Variants in CDYL2 observed in about 807,000 individuals in gnomAD.
CDYL2 encodes chromodomain Y-like protein 2.
A neutral mutation model predicts 49.4 loss-of-function variants in CDYL2; 23 were observed. The ratio of observed to expected loss-of-function variants is 0.47; its 90% CI spans 0.34 to 0.66. The LOEUF (loss-of-function observed/expected upper bound fraction) is 0.66. Ranked by LOEUF, CDYL2 falls within the 30% of genes least tolerant of loss-of-function variation. The probability of loss-of-function intolerance (pLI) is 0.01; values close to 1 mark genes in which losing one functional copy is unlikely to be tolerated. For missense variants in CDYL2, 678 were observed against 656.4 expected, an observed-to-expected ratio of 1.03 and a Z score of -0.36; for synonymous variants, 360 against 268.8, an observed-to-expected ratio of 1.34 and a Z score of -3.32.
chr16:80,803,632 G>A (rs1433369474), intron 1 of CDYL2, among the ~76,000 whole-genome samples: 1 of 56,878 alleles, frequency 1.8e-5, no homozygotes, highest in African/African-American at 7.1e-5. Context: ...ACCCCGCCTC[G>A]CCCCGGCCAG....
chr16:80,653,332 G>A (rs1597150536), intron 2 of CDYL2, among the ~76,000 whole-genome samples: 1 of 152,240 alleles, frequency 6.6e-6, no homozygotes. Flanking sequence ...GGGCATGGTG[G>A]TGCATGCCTG....
chr16:80,665,099 T>C (rs1909204382), intron 2 of CDYL2, among the ~76,000 whole-genome samples: 1 of 152,212 alleles, frequency 6.6e-6, no homozygotes, highest in African/African-American at 2.4e-5. Context: ...AAATATTTCA[T>C]GAAGAAATCA....
At chr16:80,777,485 A>C (rs1391403888) in intron 1 of CDYL2, among the ~76,000 whole-genome samples, 1 of 152,132 alleles carries the variant, frequency 6.6e-6, no homozygotes, top group Non-Finnish European at 1.5e-5. Flanking sequence ...CAACACAAAA[A>C]ATATGAAGAA....
intron 4 of CDYL2, among the ~76,000 whole-genome samples, chr16:80,617,252 T>C (rs569731270): frequency 6.6e-6 from 1 of 151,966 alleles, no homozygotes; most frequent in East Asian, 1.9e-4. Context: ...GGGGTGAGAG[T>C]ACCACTCACG....
intron 1 of CDYL2, among the ~76,000 whole-genome samples, chr16:80,727,517 G>A (rs540212168): frequency 4.6e-5 from 7 of 152,190 alleles, no homozygotes; most frequent in African/African-American, 7.2e-5. Flanking sequence ...AGCGAGGCTC[G>A]GGGAGGGGCG....
At chr16:80,757,455 G>C (rs998551864) in intron 1 of CDYL2, among the ~76,000 whole-genome samples, 3 of 150,920 alleles carry the variant, frequency 2.0e-5, no homozygotes, top group African/African-American at 7.3e-5. Flanking sequence ...GGGGAGGCTT[G>C]CTTGAGCCCA....
At chr16:80,768,214 T>A (rs1345249507) in intron 1 of CDYL2, among the ~76,000 whole-genome samples, 1 of 152,104 alleles carries the variant, frequency 6.6e-6, no homozygotes, top group African/African-American at 2.4e-5. Flanking sequence ...ATACTAGAGA[T>A]CCTGACAATA....
At chr16:80,614,188 G>A (rs1031151632) in intron 4 of CDYL2, among the ~76,000 whole-genome samples, 4 of 152,212 alleles carry the variant, frequency 2.6e-5, no homozygotes, top group African/African-American at 7.2e-5. Context: ...GTGTGGCAAT[G>A]GTGAACCAGC....
intron 1 of CDYL2, among the ~76,000 whole-genome samples, chr16:80,712,560 G>A (rs143172212): frequency 6.2e-4 from 95 of 152,140 alleles, no homozygotes; most frequent in African/African-American, 2.0e-3. Flanking sequence ...GGGCAGGGGC[G>A]TCTCCTTCCA....
chr16:80,622,497 C>A (rs1307984829), intron 3 of CDYL2, among the ~76,000 whole-genome samples: 2 of 151,984 alleles, frequency 1.3e-5, no homozygotes, highest in East Asian at 3.9e-4. Context: ...TGTTTCCTGC[C>A]TTTTATTTGT....
At chr16:80,749,320 A>C (rs1906048393) in intron 1 of CDYL2, among the ~76,000 whole-genome samples, 1 of 152,236 alleles carries the variant, frequency 6.6e-6, no homozygotes, top group African/African-American at 2.4e-5. Flanking sequence ...TGCATAAAGC[A>C]GTTGGTCACC....
chr16:80,719,695 C>G (rs60608114), intron 1 of CDYL2, among the ~76,000 whole-genome samples: 159 of 152,286 alleles, frequency 1.0e-3, no homozygotes, highest in African/African-American at 3.6e-3. Flanking sequence ...TATGTCTTGT[C>G]CTCTCTACTG....
chr16:80,608,052 C>T (rs1204678990), intron 6 of CDYL2, 40 bp downstream of exon 6: 5 of 1,524,666 alleles, frequency 3.3e-6, no homozygotes, highest in Admixed American at 4.1e-5. Flanking sequence ...TAAAATGGGT[C>T]TATCAAAAGG....
chr16:80,774,297 C>T (rs1302242762), intron 1 of CDYL2, among the ~76,000 whole-genome samples: 1 of 150,368 alleles, frequency 6.7e-6, no homozygotes, highest in Non-Finnish European at 1.5e-5. Context: ...AAGCCAGGCG[C>T]TGAAAGACAA....
intron 1 of CDYL2, among the ~76,000 whole-genome samples, chr16:80,698,919 A>G (rs1192778781): frequency 6.6e-6 from 1 of 152,190 alleles, no homozygotes; most frequent in Non-Finnish European, 1.5e-5. Context: ...AATGCTCACC[A>G]TCACTAATCA....
chr16:80,802,113 C>T (rs1348211062), intron 1 of CDYL2, among the ~76,000 whole-genome samples: 2 of 152,114 alleles, frequency 1.3e-5, no homozygotes, highest in African/African-American at 4.8e-5. Flanking sequence ...CTCCTCTTAA[C>T]AGACTAATCT....
chr16:80,717,149 A>G (rs149778377), intron 1 of CDYL2, among the ~76,000 whole-genome samples: 117 of 138,036 alleles, frequency 8.5e-4, no homozygotes, highest in African/African-American at 3.0e-3. Context: ...CTGGATCGAT[A>G]GATGGATGGA....
intron 1 of CDYL2, among the ~76,000 whole-genome samples, chr16:80,737,310 T>A (rs1905571173): frequency 6.6e-6 from 1 of 152,190 alleles, no homozygotes; most frequent in Non-Finnish European, 1.5e-5. Flanking sequence ...CTTAATGTGC[T>A]GCTCTGTGCT....
chr16:80,635,234 G>C (rs1907764395), intron 2 of CDYL2, among the ~76,000 whole-genome samples: 1 of 152,076 alleles, frequency 6.6e-6, no homozygotes, highest in South Asian at 2.1e-4. Flanking sequence ...TGTAGAAAAA[G>C]CATCTCACAA....
Sources: gnomAD v4.1 joint callset for allele counts (sites outside exome capture counted in the v4.1 genomes callset) on GRCh38, gnomAD v4.1.1 for gene constraint, MANE v1.5 for transcripts, NCBI Gene and HGNC (gene_info 2026-07-23, HGNC 2026-07-21) for gene names.